KCTD16: variants seen among roughly 807,000 people sequenced by gnomAD.
KCTD16 encodes potassium channel tetramerization domain containing 16.
In KCTD16, 13 loss-of-function variants were observed where a neutral mutation model predicts 33.2. The ratio of observed to expected loss-of-function variants is 0.39; its 90% CI spans 0.25 to 0.62. The LOEUF (loss-of-function observed/expected upper bound fraction) is 0.62. Among genes scored for constraint, KCTD16 ranks in the 20% least tolerant of loss-of-function variants. KCTD16 has a pLI of 0.50. For synonymous variants in KCTD16, 197 were observed against 195.3 expected (o/e 1.01, Z -0.07); for missense variants, 441 against 525.1 (o/e 0.84, Z 1.57).
rs1271090615 is a variant in KCTD16, at chr5:144,478,634, A to T, written c.*4520A>T. On this transcript the variant is annotated 3_prime_UTR_variant, in exon 4 of 4. Transcript: ENST00000512467. ...ATTTGTATTTTGAGCTAGTCTCCTT[A>T]ATAATTTTGATGAGGATTGTCTATA... The T allele has an allele frequency of 1.3e-5, 2 of 152,066 alleles. No individual in the cohort carries two copies. Among genetic ancestry groups the T allele is most frequent in the Admixed American group, 1.3e-4 (2 of 15,258 alleles). 9.4% of individuals were successfully genotyped at this position (152,066 alleles called of 1,614,324 possible).
At chr5:144,405,863 T>A (rs1246485104) in intron 3 of KCTD16, among the ~76,000 whole-genome samples, 1 of 152,218 alleles carries the variant, frequency 6.6e-6, no homozygotes, top group Admixed American at 6.5e-5. Flanking sequence ...CTGTGAGTTT[T>A]ATCTTTCCCA....
chr5:144,247,688 C>T (rs1754587547), intron 3 of KCTD16, among the ~76,000 whole-genome samples: 2 of 152,140 alleles, frequency 1.3e-5, no homozygotes, highest in Admixed American at 6.5e-5. Context: ...ACCTACTTTA[C>T]AGGGTAATTT....
chr5:144,221,141 C>T (rs1050014491), intron 3 of KCTD16, among the ~76,000 whole-genome samples: 7 of 152,134 alleles, frequency 4.6e-5, no homozygotes, highest in African/African-American at 1.7e-4. Flanking sequence ...AATAATACCA[C>T]ATATGTAAAG....
intron 3 of KCTD16, among the ~76,000 whole-genome samples, chr5:144,299,096 G>A (rs897789623): frequency 1.3e-3 from 14 of 10,772 alleles, no homozygotes; most frequent in Non-Finnish European, 2.2e-3. Flanking sequence ...ATATCACTAT[G>A]TATATATATA....
intron 3 of KCTD16, among the ~76,000 whole-genome samples, chr5:144,303,126 A>T (rs990777589): frequency 3.9e-5 from 6 of 152,220 alleles, no homozygotes; most frequent in Non-Finnish European, 7.3e-5. Flanking sequence ...TTTGCTGGCC[A>T]TTAGCAATCT....
chr5:144,360,628 C>T lies in KCTD16; in HGVS notation c.833-113032C>T, dbSNP rs567373764. 1.9e-3 allele frequency among the ~76,000 whole-genome samples: 282 copies of T among 152,176 alleles called. 1 individual carries two copies. Among genetic ancestry groups the T allele is most frequent in the African/African-American group, 6.3e-3 (261 of 41,538 alleles). The stretch of plus-strand genomic sequence containing the variant: ...TGTATTTTTAGTAGAGATGGGCTTT[C>T]ACCATATTGGCCAGGCTGCTCTCAA... On this transcript the variant is annotated intron_variant, in intron 3 of 3. Coordinates refer to ENST00000512467, the MANE Select transcript of KCTD16 (RefSeq NM_020768.4).
intron 3 of KCTD16, among the ~76,000 whole-genome samples, chr5:144,313,344 G>A (rs1191103752): frequency 6.6e-6 from 1 of 152,168 alleles, no homozygotes; most frequent in African/African-American, 2.4e-5. Context: ...GCCAGCTTCA[G>A]TTTTCTGCCA....
chr5:144,388,136 G>A (rs10783185), intron 3 of KCTD16, among the ~76,000 whole-genome samples: 95,383 of 141,822 alleles, frequency 0.67, 32,291 homozygotes, highest in South Asian at 0.88. Context: ...CTGGAGTGCA[G>A]TGGCGGGATA....
chr5:144,279,155 T>C (rs1182183233), intron 3 of KCTD16, among the ~76,000 whole-genome samples: 1 of 152,242 alleles, frequency 6.6e-6, no homozygotes, highest in East Asian at 1.9e-4. Flanking sequence ...TCCATGACCA[T>C]GTTGAATTCG....
chr5:144,261,182 AAAG>A (rs1755001023), intron 3 of KCTD16, among the ~76,000 whole-genome samples: 3 of 150,784 alleles, frequency 2.0e-5, no homozygotes, highest in Non-Finnish European at 3.0e-5. Context: ...AAAAAAAAAA[AAAG>A]AAAAAAAAAA....
intron 3 of KCTD16, among the ~76,000 whole-genome samples, chr5:144,268,473 G>T (rs1209983662): frequency 1.3e-5 from 2 of 152,138 alleles, no homozygotes; most frequent in Non-Finnish European, 2.9e-5. Flanking sequence ...TACAGGGAAA[G>T]TTAGAAAGTA....
intron 3 of KCTD16, among the ~76,000 whole-genome samples, chr5:144,392,986 AT>A (rs1752484343): frequency 1.3e-5 from 2 of 152,220 alleles, no homozygotes; most frequent in South Asian, 2.1e-4. Flanking sequence ...ATAAAATTAT[AT>A]TAATTGATAC....
chr5:144,435,843 A>ATGTGTG (rs56722254), intron 3 of KCTD16, among the ~76,000 whole-genome samples: 14 of 144,228 alleles, frequency 9.7e-5, no homozygotes, highest in African/African-American at 3.2e-4. Context: ...GTGTGTGTGT[A>ATGTGTG]TGTGTGTGTG....
chr5:144,416,336 A>G (rs1458875942), intron 3 of KCTD16, among the ~76,000 whole-genome samples: 1 of 152,168 alleles, frequency 6.6e-6, no homozygotes, highest in East Asian at 1.9e-4. Context: ...GTTATGGTTG[A>G]GTTGGAAGAT....
chr5:144,318,062 T>C (rs1751970499), intron 3 of KCTD16, among the ~76,000 whole-genome samples: 1 of 152,212 alleles, frequency 6.6e-6, no homozygotes, highest in African/African-American at 2.4e-5. Context: ...ATGAATGTTC[T>C]CTTGCTGTGA....
chr5:144,340,004 G>T (rs1454720334), intron 3 of KCTD16, among the ~76,000 whole-genome samples: 1 of 152,008 alleles, frequency 6.6e-6, no homozygotes, highest in Non-Finnish European at 1.5e-5. Flanking sequence ...CAACCTCAAA[G>T]ATTAAATAAG....
intron 3 of KCTD16, among the ~76,000 whole-genome samples, chr5:144,472,059 C>G (rs893774675): frequency 6.6e-6 from 1 of 152,150 alleles, no homozygotes; most frequent in African/African-American, 2.4e-5. Context: ...GTTTTCTCTA[C>G]TTTGACTATA....
At chr5:144,246,668 A>G (rs1754556965) in intron 3 of KCTD16, among the ~76,000 whole-genome samples, 1 of 152,204 alleles carries the variant, frequency 6.6e-6, no homozygotes, top group Non-Finnish European at 1.5e-5. Flanking sequence ...ACAAGGTACC[A>G]TCATTGACAA....
intron 3 of KCTD16, among the ~76,000 whole-genome samples, chr5:144,284,970 T>A (rs1755705035): frequency 6.6e-6 from 1 of 152,084 alleles, no homozygotes; most frequent in African/African-American, 2.4e-5. Flanking sequence ...GCACCTCGGG[T>A]AAACCACCAC....
Sources: allele counts gnomAD v4.1 joint callset (sites outside exome capture counted in the v4.1 genomes callset), GRCh38; gene constraint gnomAD v4.1.1; transcripts MANE v1.5; gene names NCBI Gene and HGNC (gene_info 2026-07-23, HGNC 2026-07-21).